Variants in FAM118B observed in about 807,000 individuals in gnomAD.
FAM118B encodes SIR2 antiphage like 1, also known as protein FAM118B.
Under a neutral mutation model 38.5 loss-of-function variants are expected in FAM118B, and 24 were observed. The observed-to-expected ratio is 0.62, with a 90% CI of 0.45 to 0.88. The LOEUF (loss-of-function observed/expected upper bound fraction) is 0.88. Ranked by LOEUF, FAM118B falls within the 40% of genes least tolerant of loss-of-function variation. FAM118B has a pLI of 0.00. For missense variants in FAM118B, 334 were observed against 420.0 expected (o/e 0.80, Z 1.79); for synonymous variants, 138 against 156.3 (o/e 0.88, Z 0.87).
At position 126,250,720 on chromosome 11, in the gene FAM118B, C is replaced by T. The variant is rs1335504275; in HGVS notation, c.554C>T (p.Thr185Ile). ...QGKQLESLDLTDEKKVLEWAQ... is the reference protein window; with the variant it reads ...QGKQLESLDLIDEKKVLEWAQ... ...AAACAGCTTGAATCCCTTGACCTTA[C>T]TGATGAGAAAAAGGTAAAAAGTAAA... Residue 185 changes from threonine (T) to isoleucine (I), a missense_variant, in exon 5 of 9, where the codon ACT (threonine) becomes ATT (isoleucine). Thr to Ile is a moderately conservative substitution (Grantham distance 89, BLOSUM62 -1). Around this residue, in one of 3 missense-constraint regions of FAM118B, gnomAD observed 240 missense variants for 295.9 expected, o/e 0.81. Coordinates refer to ENST00000533050, the MANE Select transcript of FAM118B (RefSeq NM_024556.4). This position sits in a 1 kb window ranked among gnomAD's most constrained non-coding sequence, Gnocchi z 5.1. 1.9e-6 allele frequency: 3 copies of T among 1,612,112 alleles called. No individual in the cohort carries two copies. The highest frequency in any genetic ancestry group is 3.3e-5 in the Admixed American group (2 of 59,940).
At chr11:126,233,654 G>A (rs1013662252) in intron 2 of FAM118B, 4 of 444,764 alleles carry the variant, frequency 9.0e-6, no homozygotes, top group Non-Finnish European at 1.8e-5. Context: ...TACTGTGACT[G>A]TATTATTTCT....
chr11:126,230,621 T>A (rs1950196466), intron 2 of FAM118B, among the ~76,000 whole-genome samples: 1 of 152,216 alleles, frequency 6.6e-6, no homozygotes, highest in African/African-American at 2.4e-5. Context: ...AAATACTTTT[T>A]AAAACATTAG....
chr11:126,227,730 A>G (rs1452834196), intron 1 of FAM118B, among the ~76,000 whole-genome samples: 1 of 152,188 alleles, frequency 6.6e-6, no homozygotes, highest in Non-Finnish European at 1.5e-5. Context: ...CAGCCAAGTG[A>G]ATTCACTTAA....
intron 2 of FAM118B, among the ~76,000 whole-genome samples, chr11:126,230,342 C>T (rs1038555733): frequency 2.0e-5 from 3 of 152,118 alleles, no homozygotes; most frequent in East Asian, 1.9e-4. Context: ...CTCCCAAATC[C>T]GATAGTTGCT....
intron 1 of FAM118B, among the ~76,000 whole-genome samples, chr11:126,225,498 G>A (rs181211164): frequency 6.6e-6 from 1 of 152,158 alleles, no homozygotes; most frequent in Admixed American, 6.5e-5. Flanking sequence ...CAGTGAGATC[G>A]CTAGAGCTGT....
chr11:126,249,749 A>AG (rs1215267105), intron 4 of FAM118B, among the ~76,000 whole-genome samples: 11,808 of 139,678 alleles, frequency 0.085, 503 homozygotes, highest in East Asian at 0.099. Flanking sequence ...AAAAAAAAAA[A>AG]AAAAAGAAAA....
In FAM118B at chr11:126,252,516, C is replaced by T. The variant is rs190345587; in HGVS notation, c.567+1783C>T. ...ACCCCAGCACTTTGGGAAGCTGAGG[C>T]GGGAGGATCACTTGAGCCTAGTTCA... On this transcript the variant is annotated intron_variant, in intron 5 of 8. Transcript: ENST00000533050. The surrounding 1 kb of genome is among the most constrained non-coding windows in gnomAD (Gnocchi z 4.7). Among the ~76,000 whole-genome samples, 655 of 152,010 alleles carry T rather than the reference C, an allele frequency of 4.3e-3. 1 individual carries two copies. Among genetic ancestry groups the T allele is most frequent in the Middle Eastern group, 0.017 (5 of 294 alleles).
At chr11:126,221,775 G>A (rs1014810744) in intron 1 of FAM118B, among the ~76,000 whole-genome samples, 33 of 152,112 alleles carry the variant, frequency 2.2e-4, no homozygotes, top group Admixed American at 2.2e-3. Context: ...CTAGAGGGGA[G>A]GGAGGAAAAC....
In FAM118B at chr11:126,246,234, T is replaced by G. The variant is rs376643797; in HGVS notation, c.340-4272T>G. ...TGTTTTGTATGTACTTTTCTGACTT[T>G]TGTGTGTGTTTGGAAATGTCCATAT... is the stretch of plus-strand genomic sequence containing the variant. On this transcript the variant is annotated intron_variant, in intron 4 of 8. Coordinates refer to ENST00000533050, the MANE Select transcript of FAM118B (RefSeq NM_024556.4). Among the ~76,000 whole-genome samples, 26 of 152,296 alleles carry G rather than the reference T, an allele frequency of 1.7e-4. No individual in the cohort carries two copies. The South Asian group carries it at 3.3e-3, about 19-fold the overall frequency.
chr11:126,233,792 G>C (rs1950237414), intron 2 of FAM118B: 1 of 450,760 alleles, frequency 2.2e-6, no homozygotes. Context: ...AAAGAAAAAG[G>C]CTTTTTTGGG....
chr11:126,226,562 C>T (rs974260740), intron 1 of FAM118B, among the ~76,000 whole-genome samples: 3 of 152,212 alleles, frequency 2.0e-5, no homozygotes, highest in Admixed American at 6.5e-5. Flanking sequence ...TCTCTCCTTC[C>T]CCCCGGCAGG....
intron 7 of FAM118B, 143 bp from the exon 8 acceptor site, chr11:126,261,282 T>TATCTTCTC (rs1950692342): frequency 1.5e-6 from 1 of 653,464 alleles, no homozygotes; most frequent in African/African-American, 1.8e-5. Flanking sequence ...TCTGCCTCCT[T>TATCTTCTC]ATCTTCTCAA....
intron 1 of FAM118B, among the ~76,000 whole-genome samples, chr11:126,220,851 A>G (rs771906680): frequency 7.3e-5 from 11 of 151,530 alleles, no homozygotes; most frequent in Non-Finnish European, 1.3e-4. Context: ...CTTATTTCAG[A>G]TCTAAACAGT....
intron 8 of FAM118B, among the ~76,000 whole-genome samples, chr11:126,261,876 C>T (rs182846646): frequency 4.6e-5 from 7 of 152,208 alleles, no homozygotes; most frequent in Admixed American, 1.3e-4. Context: ...CCTATAGTCC[C>T]GGCTACTGGC....
At chr11:126,236,645 C>T (rs1459710109) in intron 3 of FAM118B, among the ~76,000 whole-genome samples, 1 of 152,130 alleles carries the variant, frequency 6.6e-6, no homozygotes, top group Non-Finnish European at 1.5e-5. Context: ...ACTTATATTA[C>T]TTTTTTGATA....
intron 1 of FAM118B, among the ~76,000 whole-genome samples, chr11:126,217,775 A>G (rs1314239768): frequency 1.1e-4 from 16 of 152,234 alleles, no homozygotes; most frequent in Non-Finnish European, 1.5e-4. Context: ...TCTAAGAAGT[A>G]TTTGAATGAC....
intron 2 of FAM118B, among the ~76,000 whole-genome samples, chr11:126,234,283 A>G (rs1950243840): frequency 6.6e-6 from 1 of 152,192 alleles, no homozygotes; most frequent in South Asian, 2.1e-4. Flanking sequence ...AGTTTGCCAA[A>G]GTTTGAGCAC....
chr11:126,220,766 A>G (rs61898850), intron 1 of FAM118B, among the ~76,000 whole-genome samples: 22 of 152,140 alleles, frequency 1.4e-4, no homozygotes, highest in Non-Finnish European at 3.1e-4. Flanking sequence ...TTCTCCTAAG[A>G]AACCTGGTCT....
intron 1 of FAM118B, among the ~76,000 whole-genome samples, chr11:126,219,280 A>G (rs957499137): frequency 1.3e-5 from 2 of 151,488 alleles, no homozygotes; most frequent in Non-Finnish European, 2.9e-5. Context: ...GGAATATCAC[A>G]TAAGGAAAAG....
Sources: gnomAD v4.1 joint callset for allele counts (sites outside exome capture counted in the v4.1 genomes callset) on GRCh38, gnomAD v4.1.1 for gene constraint, gnomAD v4.1.1 regional missense constraint, Gnocchi (gnomAD v3.1) non-coding constraint, MANE v1.5 for transcripts, NCBI Gene and HGNC (gene_info 2026-07-23, HGNC 2026-07-21) for gene names.